Variants in FAS observed in about 807,000 individuals in gnomAD.
FAS encodes the protein Fas cell surface death receptor.
FAS carries 5 observed loss-of-function variants against 33.2 expected under a neutral mutation model. That is an observed-to-expected ratio of 0.15 (90% CI 0.08 to 0.32). The LOEUF (loss-of-function observed/expected upper bound fraction) is 0.32. Ranked by LOEUF, FAS falls within the 10% of genes least tolerant of loss-of-function variation. The pLI is 1.00. For synonymous variants in FAS, 131 were observed against 130.7 expected, an observed-to-expected ratio of 1.00 and a Z score of -0.01; for missense variants, 339 against 386.0, an observed-to-expected ratio of 0.88 and a Z score of 1.02.
intron 1 of FAS, among the ~76,000 whole-genome samples, chr10:88,997,515 G>A (rs1478334757): frequency 6.6e-6 from 1 of 152,132 alleles, no homozygotes; most frequent in African/African-American, 2.4e-5. Flanking sequence ...ATTACCATGT[G>A]TATTTTTATG....
upstream of FAS, among the ~76,000 whole-genome samples, chr10:88,985,780 C>A (rs753510318): frequency 3.9e-5 from 6 of 152,218 alleles, no homozygotes; most frequent in Non-Finnish European, 8.8e-5. Context: ...CTGAGGCCCA[C>A]ACTAGCTAGT....
intron 1 of FAS, among the ~76,000 whole-genome samples, chr10:88,994,886 GATAC>G (rs112583061): frequency 1.7e-3 from 251 of 150,330 alleles, no homozygotes; most frequent in African/African-American, 5.0e-3. Flanking sequence ...AATGTACTGG[GATAC>G]ATATATATAT....
upstream of FAS, among the ~76,000 whole-genome samples, chr10:88,988,421 T>G (rs989295187): frequency 1.1e-3 from 8 of 7,288 alleles, no homozygotes; most frequent in African/African-American, 3.4e-3. Context: ...TAGAAGTTTT[T>G]TTTTTTTTTT....
intron 3 of FAS, 123 bp downstream of exon 3, chr10:89,007,960 C>A (rs968145053): frequency 4.1e-6 from 6 of 1,479,988 alleles, no homozygotes; most frequent in Non-Finnish European, 4.7e-6. Flanking sequence ...AAGGGAAGGA[C>A]AGGTGGCTAG....
intron 1 of FAS, among the ~76,000 whole-genome samples, chr10:88,970,527 T>C (rs1041078383): frequency 2.0e-5 from 3 of 152,044 alleles, no homozygotes; most frequent in Non-Finnish European, 2.9e-5. Context: ...TAGTGAATGC[T>C]AGGAGGTAGG....
exon 2 of FAS, chr10:88,973,255 C>G: frequency 6.2e-7 from 1 of 1,612,418 alleles, no homozygotes; most frequent in South Asian, 1.1e-5. Context: ...GGCTATGGAC[C>G]AAATGGATTC....
rs1311375399 is a variant in FAS at position 89,014,576 on chromosome 10, G to C, written c.*126G>C. 1.1e-6 allele frequency: 1 copy of C among 898,150 alleles called. No individual in the cohort carries two copies. The highest frequency in any genetic ancestry group is 1.8e-6 in the Non-Finnish European group (1 of 566,324). The allele number at this position is 898,150 out of a possible 1,614,324, so 55.6% of individuals were successfully genotyped here. ...TTTTATCATTTATTAGCGCTGAAGA[G>C]CCAACATATTTGTAGATTTTTAATA... On this transcript the variant is annotated 3_prime_UTR_variant, in exon 9 of 9. Coordinates refer to ENST00000652046, the MANE Select transcript of FAS (RefSeq NM_000043.6).
In FAS at chr10:88,996,052, A is replaced by G. The variant is rs143957751; in HGVS notation, c.30+5146A>G. On this transcript the variant is annotated intron_variant, in intron 1 of 8. Transcript: ENST00000652046. ...TGATAGCCTGTCCTTCAATGAAGTC[A>G]GGCAGCATTGTGTTTCTATTCACCT... is the stretch of plus-strand genomic sequence containing the variant. 1.2e-4 allele frequency among the ~76,000 whole-genome samples: 19 copies of G among 152,352 alleles called. No homozygotes were observed. The East Asian group carries it at 2.1e-3, about 17-fold the overall frequency.
At chr10:88,995,175 C>A (rs1847514101) in intron 1 of FAS, among the ~76,000 whole-genome samples, 2 of 151,978 alleles carry the variant, frequency 1.3e-5, no homozygotes, top group Admixed American at 6.6e-5. Context: ...TAAAAAAAGT[C>A]TTTAGCTTTT....
chr10:88,982,989 G>A (rs1846747522), upstream of FAS, among the ~76,000 whole-genome samples: 1 of 152,124 alleles, frequency 6.6e-6, no homozygotes, highest in Non-Finnish European at 1.5e-5. Flanking sequence ...TCCAGAACGT[G>A]GCATCAACAT....
intron 1 of FAS, among the ~76,000 whole-genome samples, chr10:88,964,761 T>C (rs1846291622): frequency 6.6e-6 from 1 of 152,174 alleles, no homozygotes; most frequent in African/African-American, 2.4e-5. Context: ...CTACATATCT[T>C]GTACCAACTG....
chr10:89,007,892 C>G, intron 3 of FAS, 55 bp downstream of exon 3: 1 of 1,609,724 alleles, frequency 6.2e-7, no homozygotes. Context: ...TCATGTAGAA[C>G]CATTTATAAG....
At chr10:88,969,913 T>C (rs768617484) in intron 1 of FAS, among the ~76,000 whole-genome samples, 1 of 152,202 alleles carries the variant, frequency 6.6e-6, no homozygotes, top group Non-Finnish European at 1.5e-5. Context: ...TTGTAAACTC[T>C]GCCAAGGCCT....
At chr10:89,010,472 G>T in intron 4 of FAS, 67 bp from the exon 5 acceptor site, 3 of 1,326,614 alleles carry the variant, frequency 2.3e-6, no homozygotes, top group Non-Finnish European at 3.2e-6. Context: ...TTTACAAAGT[G>T]CCATTGAAAA....
intron 1 of FAS, among the ~76,000 whole-genome samples, chr10:88,971,497 A>G (rs1164514354): frequency 6.6e-6 from 1 of 152,264 alleles, no homozygotes; most frequent in Non-Finnish European, 1.5e-5. Flanking sequence ...TGAGTGGCAG[A>G]CATATTTCCT....
rs1250586004 is a variant in FAS at position 89,014,932 on chromosome 10, T to A, written c.*482T>A. ...TAGAGATTTTACCATATTTCTAAAC[T>A]TTGTTTATAACTCTGAGAAGATCAT... On this transcript the variant is annotated 3_prime_UTR_variant, in exon 9 of 9. Coordinates refer to ENST00000652046, the MANE Select transcript of FAS (RefSeq NM_000043.6). 3.7e-6 allele frequency: 2 copies of A among 534,812 alleles called. No homozygotes were observed. The highest frequency in any genetic ancestry group is 3.7e-5 in the African/African-American group (2 of 53,904). 33.1% of individuals were successfully genotyped at this position (534,812 alleles called of 1,614,324 possible). A position where few individuals can be genotyped will look rare whatever the true frequency, so the allele number is the denominator to read the frequency against.
At chr10:89,009,039 A>C (rs1480294594) in intron 4 of FAS, 42 bp downstream of exon 4, 4 of 1,475,710 alleles carry the variant, frequency 2.7e-6, no homozygotes, top group Non-Finnish European at 2.8e-6. Flanking sequence ...TAGATATAAC[A>C]TGAGAGTTAT....
At chr10:88,994,171 A>G (rs1473826844) in intron 1 of FAS, among the ~76,000 whole-genome samples, 2 of 152,238 alleles carry the variant, frequency 1.3e-5, no homozygotes, top group Non-Finnish European at 2.9e-5. Flanking sequence ...GAGAAGTGTC[A>G]GTGTTTCAAA....
chr10:88,980,200 G>A (rs867119869), intron 2 of FAS, among the ~76,000 whole-genome samples: 2 of 152,346 alleles, frequency 1.3e-5, no homozygotes, highest in Middle Eastern at 3.4e-3. Flanking sequence ...AGTGGAACAT[G>A]AGCAGGAATT....
Sources: allele counts gnomAD v4.1 joint callset (sites outside exome capture counted in the v4.1 genomes callset), GRCh38; gene constraint gnomAD v4.1.1; transcripts MANE v1.5; gene names NCBI Gene and HGNC (gene_info 2026-07-23, HGNC 2026-07-21).